PILRA: variants seen among roughly 807,000 people sequenced by gnomAD.
The protein encoded by PILRA is paired immunoglobulin-like type 2 receptor alpha.
In PILRA, 37 loss-of-function variants were observed where a neutral mutation model predicts 33.1. That is an observed-to-expected ratio of 1.12 (90% CI 0.86 to 1.47). The LOEUF is 1.47. Among genes scored for constraint, PILRA ranks in the 40% most tolerant of loss-of-function variants. The pLI is 0.00. For synonymous variants in PILRA, 146 were observed against 149.9 expected, an observed-to-expected ratio of 0.97 and a Z score of 0.19; for missense variants, 312 against 376.2, an observed-to-expected ratio of 0.83 and a Z score of 1.41.
intron 3 of PILRA, among the ~76,000 whole-genome samples, chr7:100,396,450 C>T (rs1345096169): frequency 1.3e-5 from 2 of 152,126 alleles, no homozygotes; most frequent in Non-Finnish European, 2.9e-5. Flanking sequence ...GTCAGGAGTT[C>T]GAGACCAGCA....
At chr7:100,382,293 A>G (rs1791123833) in intron 2 of PILRA, among the ~76,000 whole-genome samples, 1 of 152,160 alleles carries the variant, frequency 6.6e-6, no homozygotes, top group Non-Finnish European at 1.5e-5. Context: ...TTGTGAATGC[A>G]CCAATCAGTA....
intron 3 of PILRA, among the ~76,000 whole-genome samples, chr7:100,390,775 A>T (rs1791374250): frequency 6.6e-6 from 1 of 152,138 alleles, no homozygotes. Flanking sequence ...GGAGGAAACC[A>T]TTCCAGGAGC....
chr7:100,385,811 T>G (rs1204553522), intron 2 of PILRA, among the ~76,000 whole-genome samples: 1 of 151,966 alleles, frequency 6.6e-6, no homozygotes, highest in Non-Finnish European at 1.5e-5. Flanking sequence ...GTATTTTTAG[T>G]AGAGATAGGG....
Position 100,373,635 on chromosome 7 carries a change from T to C in PILRA, c.-22T>C. ...CTGGACGGCTCTGCTGGTCTCCCCG[T>C]CCCCTGGAGAAGAACAAGGCCATGG... On this transcript the variant is annotated 5_prime_UTR_variant, in exon 1 of 7. Coordinates refer to ENST00000198536, the MANE Select transcript of PILRA (RefSeq NM_013439.3). 6.2e-7 allele frequency: 1 copy of C among 1,613,156 alleles called. No individual in the cohort carries two copies. Among genetic ancestry groups the C allele is most frequent in the Non-Finnish European group, 8.5e-7 (1 of 1,179,874 alleles).
At chr7:100,383,639 T>C (rs1791175399) in intron 2 of PILRA, among the ~76,000 whole-genome samples, 1 of 151,920 alleles carries the variant, frequency 6.6e-6, no homozygotes, top group Non-Finnish European at 1.5e-5. Context: ...ACTTTTTTTT[T>C]TTTTTTAATT....
At chr7:100,377,238 T>C (rs1042910529) in intron 2 of PILRA, among the ~76,000 whole-genome samples, 4 of 88,052 alleles carry the variant, frequency 4.5e-5, no homozygotes, top group Non-Finnish European at 7.9e-5. Context: ...TTTCTTTTTT[T>C]TTTTTTTTTT....
intron 5 of PILRA, 116 bp downstream of exon 5, chr7:100,399,456 C>A: frequency 1.4e-6 from 2 of 1,382,680 alleles, no homozygotes; most frequent in Non-Finnish European, 2.1e-6. Flanking sequence ...CATTCCTTGC[C>A]CCTTGCCCTC....
At chr7:100,393,363 GAGA>G (rs1386241690) in intron 3 of PILRA, among the ~76,000 whole-genome samples, 1 of 151,876 alleles carries the variant, frequency 6.6e-6, no homozygotes, top group East Asian at 1.9e-4. Flanking sequence ...CTTTTCTCCT[GAGA>G]ATGAATAAGA....
At chr7:100,392,600 C>T (rs765998839) in intron 3 of PILRA, among the ~76,000 whole-genome samples, 2 of 152,048 alleles carry the variant, frequency 1.3e-5, no homozygotes, top group Admixed American at 1.3e-4. Flanking sequence ...GGAGCACCAT[C>T]GTATGAATAC....
At chr7:100,371,549 A>G (rs3807477), upstream of PILRA, among the ~76,000 whole-genome samples, 22 of 152,178 alleles carry the variant, frequency 1.4e-4, no homozygotes, top group East Asian at 4.3e-3. Flanking sequence ...GAATGTGGGG[A>G]CATCCAAGCA....
chr7:100,381,757 C>T (rs768048770), intron 2 of PILRA, among the ~76,000 whole-genome samples: 1 of 152,064 alleles, frequency 6.6e-6, no homozygotes, highest in Non-Finnish European at 1.5e-5. Flanking sequence ...ACCGGGGCTG[C>T]GCGCGGCGCT....
chr7:100,372,314 G>A (rs967908553), upstream of PILRA, among the ~76,000 whole-genome samples: 1 of 152,136 alleles, frequency 6.6e-6, no homozygotes, highest in African/African-American at 2.4e-5. Flanking sequence ...GGGCGGGCCG[G>A]CCTGGCTGGC....
At position 100,399,891 on chromosome 7, in the gene PILRA, C is replaced by A; in HGVS notation, c.896C>A (p.Ser299Tyr). The A allele has an allele frequency of 6.2e-7, 1 of 1,611,140 alleles. No homozygotes were observed. The highest frequency in any genetic ancestry group is 8.5e-7 in the Non-Finnish European group (1 of 1,178,560). Residue 299 changes from serine (S) to tyrosine (Y), a missense_variant, in exon 7 of 7, where the codon TCT becomes TAT. Coordinates refer to ENST00000198536, the MANE Select transcript of PILRA (RefSeq NM_013439.3). ...LKSPQNETLY[S>Y]VLKA ...AGCCCCCAGAACGAGACCCTGTACT[C>A]TGTCTTAAAGGCCTAACCAATGGAC...
chr7:100,380,783 A>G (rs28714213), intron 2 of PILRA, among the ~76,000 whole-genome samples: 22,972 of 152,062 alleles, frequency 0.15, 1,875 homozygotes, highest in African/African-American at 0.19. Flanking sequence ...TGGCCAACAC[A>G]GCGAAACCCT....
upstream of PILRA, among the ~76,000 whole-genome samples, chr7:100,371,870 C>G (rs1358345635): frequency 6.6e-6 from 1 of 152,202 alleles, no homozygotes; most frequent in Non-Finnish European, 1.5e-5. Context: ...CATGGGGGTT[C>G]AGCTGGATCC....
intron 2 of PILRA, among the ~76,000 whole-genome samples, chr7:100,386,583 T>C (rs754759912): frequency 5.3e-5 from 8 of 151,934 alleles, no homozygotes; most frequent in Non-Finnish European, 1.0e-4. Context: ...AGTGGCACAA[T>C]CATAGATCAC....
chr7:100,380,723 T>G (rs1791071324), intron 2 of PILRA, among the ~76,000 whole-genome samples: 1 of 152,146 alleles, frequency 6.6e-6, no homozygotes, highest in Non-Finnish European at 1.5e-5. Context: ...CCCAGCAGTT[T>G]GGTAGGCCGA....
rs1026970935 is a variant in PILRA, at chr7:100,390,030, G to A, written c.597G>A (p.Gly199=). The change falls in exon 3 of 7, where the codon GGG becomes GGA. Residue 199 remains glycine (G), a synonymous_variant. Coordinates refer to ENST00000198536, the MANE Select transcript of PILRA (RefSeq NM_013439.3). ...SWHISLETAV[G]VAVAVTVLGI... is the part of the protein sequence containing the mutation. The stretch of plus-strand genomic sequence containing the variant: ...ACATAAGTCTGGAGACTGCTGTGGG[G>A]GTGGCAGTGGCTGTCACTGTGCTCG... The A allele has an allele frequency of 1.2e-6, 2 of 1,614,114 alleles. No individual in the cohort carries two copies. Among genetic ancestry groups the A allele is most frequent in the Non-Finnish European group, 1.7e-6 (2 of 1,180,000 alleles).
intron 2 of PILRA, among the ~76,000 whole-genome samples, chr7:100,378,193 A>AG: frequency 6.6e-6 from 1 of 151,966 alleles, no homozygotes; most frequent in East Asian, 1.9e-4. Flanking sequence ...TCTAAAAAAA[A>AG]AAAAAAAAAT....
Sources: allele counts gnomAD v4.1 joint callset (sites outside exome capture counted in the v4.1 genomes callset), GRCh38; gene constraint gnomAD v4.1.1; transcripts MANE v1.5; gene names NCBI Gene and HGNC (gene_info 2026-07-23, HGNC 2026-07-21).